The following CCDC88C variants were observed in gnomAD, a reference collection of about 807,000 sequenced individuals.
The protein encoded by CCDC88C is protein Daple.
In CCDC88C, 131 loss-of-function variants were observed where a neutral mutation model predicts 198.8. That is an observed-to-expected ratio of 0.66 (90% CI 0.57 to 0.76). The LOEUF is 0.76. Ranked by LOEUF, CCDC88C falls within the 30% of genes least tolerant of loss-of-function variation. CCDC88C has a pLI of 0.00. For missense variants in CCDC88C, 2,553 were observed against 2,631.6 expected, an observed-to-expected ratio of 0.97 and a Z score of 0.65; for synonymous variants, 1,166 against 1,114.7, an observed-to-expected ratio of 1.05 and a Z score of -0.92.
At chr14:91,378,730 G>A (rs1243150023) in intron 3 of CCDC88C, 3 of 152,230 alleles carry the variant, frequency 2.0e-5, no homozygotes, top group Admixed American at 2.0e-4. Flanking sequence ...AAAAGGCATA[G>A]TGCTGTAAGT....
rs1893224701 is a variant in CCDC88C, at chr14:91,339,705, C to T, written c.624+179G>A. Among the ~76,000 whole-genome samples the T allele has an allele frequency of 1.3e-5, 2 of 152,198 alleles. No individual in the cohort carries two copies. The highest frequency in any genetic ancestry group is 4.8e-5 in the African/African-American group (2 of 41,450). Reference sequence around the variant, plus strand: ...CCGCGTCCTGATTCCCTGTATCCTCCCACAGGCCCGAGGTGACCATGCACT... The same window carrying T: ...CCGCGTCCTGATTCCCTGTATCCTCTCACAGGCCCGAGGTGACCATGCACT... On this transcript the variant is annotated intron_variant, in intron 7 of 29. Coordinates refer to ENST00000389857, the MANE Select transcript of CCDC88C (RefSeq NM_001080414.4). This position sits in a 1 kb window ranked among gnomAD's most constrained non-coding sequence, Gnocchi z 5.8.
chr14:91,296,581 T>G (rs1363199585), intron 22 of CCDC88C, among the ~76,000 whole-genome samples: 1 of 152,204 alleles, frequency 6.6e-6, no homozygotes, highest in Non-Finnish European at 1.5e-5. Flanking sequence ...GCACAAGATC[T>G]GGGTGGGTGG....
chr14:91,286,978 G>C (rs1851220448), intron 25 of CCDC88C, among the ~76,000 whole-genome samples: 1 of 152,222 alleles, frequency 6.6e-6, no homozygotes, highest in Admixed American at 6.5e-5. Flanking sequence ...GCTGGGCCCA[G>C]AGGGAGCACC....
intron 13 of CCDC88C, among the ~76,000 whole-genome samples, chr14:91,317,750 G>C (rs1892165543): frequency 6.6e-6 from 1 of 152,208 alleles, no homozygotes; most frequent in African/African-American, 2.4e-5. Context: ...TGCCAAGACA[G>C]GGCCTCCCGA....
intron 3 of CCDC88C, among the ~76,000 whole-genome samples, chr14:91,361,681 A>AAT (rs1653345253): frequency 1.3e-5 from 2 of 152,296 alleles, no homozygotes; most frequent in South Asian, 4.1e-4. Context: ...TCAGCTGGTA[A>AAT]ATATCTGTAC....
chr14:91,310,168 C>T (rs1891756879), intron 15 of CCDC88C, among the ~76,000 whole-genome samples, 182 bp from the exon 16 acceptor site: 1 of 151,960 alleles, frequency 6.6e-6, no homozygotes, highest in African/African-American at 2.4e-5. Context: ...TGCACTTGTC[C>T]AGCCCTCCTG....
rs778982028 is a variant in CCDC88C, at chr14:91,272,877, T to C, written c.5835A>G (p.Pro1945=). 6.3e-7 allele frequency: 1 copy of C among 1,589,734 alleles called. No individual in the cohort carries two copies. Among genetic ancestry groups the C allele is most frequent in the Non-Finnish European group, 8.5e-7 (1 of 1,171,314 alleles). ...PAARTKPKAP[P]RSGEVATITP... is the part of the protein sequence containing the mutation. ...TGATGGTGGCCACCTCCCCTGAGCGTGGGGGCGCCTTGGGCTTGGTCCTGG... is the reference window on the plus strand; with the variant it reads ...TGATGGTGGCCACCTCCCCTGAGCGCGGGGGCGCCTTGGGCTTGGTCCTGG... Residue 1945 remains proline, a synonymous_variant, in exon 30 of 30, where the codon CCA becomes CCG. Coordinates refer to ENST00000389857, the MANE Select transcript of CCDC88C (RefSeq NM_001080414.4).
intron 3 of CCDC88C, among the ~76,000 whole-genome samples, chr14:91,374,740 G>A (rs570788901): frequency 2.4e-4 from 36 of 152,360 alleles, no homozygotes; most frequent in African/African-American, 7.5e-4. Context: ...GGCTCATTCC[G>A]AAGCCTCAGG....
chr14:91,310,061 G>A (rs758098654), intron 15 of CCDC88C, 75 bp from the exon 16 acceptor site: 53 of 1,427,632 alleles, frequency 3.7e-5, no homozygotes, highest in Middle Eastern at 3.6e-4. Context: ...AGTCCCGCCC[G>A]GGTGTGAGCA....
intron 3 of CCDC88C, among the ~76,000 whole-genome samples, chr14:91,398,555 A>T (rs796354159): frequency 1.2e-4 from 19 of 152,114 alleles, no homozygotes; most frequent in African/African-American, 4.6e-4. Context: ...TACTTGGTAG[A>T]TTGAGGCTGG....
intron 3 of CCDC88C, among the ~76,000 whole-genome samples, chr14:91,391,604 C>T (rs1273529097): frequency 1.3e-5 from 2 of 152,084 alleles, no homozygotes; most frequent in Non-Finnish European, 2.9e-5. Flanking sequence ...CATGGTGAAA[C>T]CCCGTCTCTA....
At chr14:91,275,087 A>G (rs909051452) in intron 29 of CCDC88C, among the ~76,000 whole-genome samples, 1 of 152,116 alleles carries the variant, frequency 6.6e-6, no homozygotes, top group African/African-American at 2.4e-5. Context: ...TGTGTACATT[A>G]GGGGCCTTGT....
intron 2 of CCDC88C, among the ~76,000 whole-genome samples, chr14:91,408,990 G>A (rs562180292): frequency 1.6e-4 from 24 of 152,218 alleles, no homozygotes; most frequent in African/African-American, 5.5e-4. Flanking sequence ...CTGGCCCACC[G>A]CAGGCCCTCA....
chr14:91,393,188 G>A (rs1180065022), intron 3 of CCDC88C, among the ~76,000 whole-genome samples: 4 of 152,168 alleles, frequency 2.6e-5, no homozygotes, highest in Non-Finnish European at 4.4e-5. Flanking sequence ...GAACAGGCTA[G>A]GAGGGGTTGG....
chr14:91,305,137 G>T (rs1891505496), intron 19 of CCDC88C, among the ~76,000 whole-genome samples: 1 of 151,874 alleles, frequency 6.6e-6, no homozygotes, highest in Non-Finnish European at 1.5e-5. Context: ...GGTGGAGCTT[G>T]CAGTGAGCCG....
Position 91,313,109 on chromosome 14 carries a change from G to A in CCDC88C, c.2707C>T (p.His903Tyr), listed in dbSNP as rs754346260. 3 of 1,599,444 alleles carry A rather than the reference G, an allele frequency of 1.9e-6. No individual in the cohort carries two copies. The highest frequency in any genetic ancestry group is 1.1e-5 in the South Asian group (1 of 89,892). The change falls in exon 15 of 30, where the codon CAT (histidine) becomes TAT (tyrosine). Residue 903 changes from histidine (H) to tyrosine (Y), a missense_variant. By Grantham distance (83) the His-to-Tyr change is moderately conservative. Around this residue, in one of 2 missense-constraint regions of CCDC88C, gnomAD observed 1,260 missense variants for 1,412.0 expected, o/e 0.89. Coordinates refer to ENST00000389857, the MANE Select transcript of CCDC88C (RefSeq NM_001080414.4). This position sits in a 1 kb window ranked among gnomAD's most constrained non-coding sequence, Gnocchi z 5.2. Reference sequence around the variant, plus strand: ...CTCAGAGTTGTCAGTGTCCTTGCATGCACGGTGACTTGCTTGGTGAGGTCC... The same window carrying A: ...CTCAGAGTTGTCAGTGTCCTTGCATACACGGTGACTTGCTTGGTGAGGTCC... ...NRDLTKQVTV[H>Y]ARTLTTLRED...
chr14:91,399,062 C>A lies in CCDC88C; in HGVS notation c.270+9597G>T, dbSNP rs1448116533. ...CCCTCTGGTCCTCCCACTTGGGGGACTCCTCACTGTCATCTTGGGGAGTCC... is the reference window on the plus strand; with the variant it reads ...CCCTCTGGTCCTCCCACTTGGGGGAATCCTCACTGTCATCTTGGGGAGTCC... On this transcript the variant is annotated intron_variant, in intron 3 of 29. Coordinates refer to ENST00000389857, the MANE Select transcript of CCDC88C (RefSeq NM_001080414.4). 4.6e-5 allele frequency among the ~76,000 whole-genome samples: 7 copies of A among 152,306 alleles called. No homozygotes were observed. The East Asian group carries it at 1.4e-3, about 29-fold the overall frequency.
chr14:91,369,745 C>T (rs998588108), intron 3 of CCDC88C, among the ~76,000 whole-genome samples: 17 of 152,288 alleles, frequency 1.1e-4, no homozygotes, highest in East Asian at 7.7e-4. Flanking sequence ...TTTTATGTTA[C>T]GAGGCTGTCA....
Position 91,313,460 on chromosome 14 carries a change from C to G in CCDC88C, c.2356G>C (p.Glu786Gln). 3.7e-6 allele frequency: 6 copies of G among 1,607,754 alleles called. No homozygotes were observed. The highest frequency in any genetic ancestry group is 4.2e-6 in the Non-Finnish European group (5 of 1,179,628). ...ESSSHKTQTL[E>Q]SELGELEAER... Reference sequence around the variant, plus strand: ...GCCTCCAGCTCGCCCAGCTCACTCTCCAAGGTCTGCGTCTTGTGGCTGCTG... The same window carrying G: ...GCCTCCAGCTCGCCCAGCTCACTCTGCAAGGTCTGCGTCTTGTGGCTGCTG... The change falls in exon 15 of 30, where the codon GAG becomes CAG. Residue 786 changes from glutamate (E) to glutamine (Q), a missense_variant. Physicochemically the swap from Glu to Gln is conservative, Grantham distance 29. Coordinates refer to ENST00000389857, the MANE Select transcript of CCDC88C (RefSeq NM_001080414.4). The surrounding 1 kb of genome is among the most constrained non-coding windows in gnomAD (Gnocchi z 5.2).
Sources: allele counts gnomAD v4.1 joint callset (sites outside exome capture counted in the v4.1 genomes callset), GRCh38; gene constraint gnomAD v4.1.1; regional missense constraint gnomAD v4.1.1; non-coding constraint Gnocchi (gnomAD v3.1); transcripts MANE v1.5; gene names NCBI Gene and HGNC (gene_info 2026-07-23, HGNC 2026-07-21).